The following ALDH5A1 variants were observed in gnomAD, a reference collection of about 807,000 sequenced individuals.
ALDH5A1 encodes succinate-semialdehyde dehydrogenase, mitochondrial.
In ALDH5A1, 33 loss-of-function variants were observed where a neutral mutation model predicts 54.7. That is an observed-to-expected ratio of 0.60 (90% confidence interval 0.46 to 0.81). The LOEUF (loss-of-function observed/expected upper bound fraction) is 0.81. Among genes scored for constraint, ALDH5A1 ranks in the 30% least tolerant of loss-of-function variants. The pLI is 0.00. For missense variants in ALDH5A1, 657 were observed against 711.0 expected, an observed-to-expected ratio of 0.92 and a Z score of 0.86; for synonymous variants, 294 against 292.7, an observed-to-expected ratio of 1.00 and a Z score of -0.05.
chr6:24,507,608 A>G (rs761914932), intron 4 of ALDH5A1, among the ~76,000 whole-genome samples: 1 of 151,936 alleles, frequency 6.6e-6, no homozygotes, highest in Non-Finnish European at 1.5e-5. Flanking sequence ...TTATATCTCT[A>G]TAAAGTTTTC....
intron 4 of ALDH5A1, among the ~76,000 whole-genome samples, chr6:24,512,262 T>G (rs1232715781): frequency 6.6e-6 from 1 of 152,240 alleles, no homozygotes; most frequent in African/African-American, 2.4e-5. Flanking sequence ...ATCTGCTTCC[T>G]TCACAGGATC....
intron 4 of ALDH5A1, 64 bp from the exon 5 acceptor site, chr6:24,515,102 CT>C (rs4646842): frequency 0.14 from 129,452 of 912,606 alleles, 13 homozygotes; most frequent in Middle Eastern, 0.18. Context: ...TTTCTCTTTT[CT>C]TTTTTTTTTT....
Position 24,520,383 on chromosome 6 carries a change from T to A in ALDH5A1, c.871-18T>A, listed in dbSNP as rs1385507494. 2 of 1,613,650 alleles carry A rather than the reference T, an allele frequency of 1.2e-6. No homozygotes were observed. The highest frequency in any genetic ancestry group is 4.5e-5 in the East Asian group (2 of 44,898). On this transcript the variant is annotated intron_variant, in intron 5 of 9. Transcript: ENST00000357578. The stretch of plus-strand genomic sequence containing the variant: ...TAATGGATTTCTGTGCTCACAGCTT[T>A]CTCTCCTCTGCTCACAGATCCTGTT...
At chr6:24,514,087 A>G (rs1027027481) in intron 4 of ALDH5A1, among the ~76,000 whole-genome samples, 27 of 152,260 alleles carry the variant, frequency 1.8e-4, no homozygotes, top group Non-Finnish European at 1.2e-4. Context: ...AGAAATTAAA[A>G]TAATTCAGGA....
At chr6:24,531,939 C>T in intron 8 of ALDH5A1, 180 bp from the exon 9 acceptor site, 1 of 671,004 alleles carries the variant, frequency 1.5e-6, no homozygotes. Context: ...GCATGCTAGC[C>T]TTAATCGCTG....
Position 24,533,614 on chromosome 6 carries a change from T to A in ALDH5A1, c.1510T>A (p.Phe504Ile). Residue 504 changes from phenylalanine (F) to isoleucine (I), a missense_variant, in exon 10 of 10, where the codon TTT (phenylalanine) becomes ATT (isoleucine). Physicochemically the swap from Phe to Ile is conservative, Grantham distance 21. This residue lies in a region of ALDH5A1 where 425 missense variants were observed against 516.4 expected (regional missense o/e 0.82). Transcript: ENST00000357578. ...EGLISSVECPFGGVKQSGLGR... is the reference protein window; with the variant it reads ...EGLISSVECPIGGVKQSGLGR... ...ATTAATTTCCTCTGTGGAGTGCCCT[T>A]TTGGTGGAGTGAAGCAGTCCGGCCT... The A allele has an allele frequency of 6.2e-7, 1 of 1,614,030 alleles. No homozygotes were observed. Among genetic ancestry groups the A allele is most frequent in the Non-Finnish European group, 8.5e-7 (1 of 1,180,010 alleles).
intron 6 of ALDH5A1, among the ~76,000 whole-genome samples, chr6:24,521,071 C>G (rs563884450): frequency 2.0e-5 from 3 of 152,314 alleles, no homozygotes; most frequent in South Asian, 4.1e-4. Flanking sequence ...TGGAATAACT[C>G]AAAACCCTGT....
In ALDH5A1 at chr6:24,502,522, G is replaced by A. The variant is rs1316476943; in HGVS notation, c.355-1G>A. The A allele has an allele frequency of 6.2e-7, 1 of 1,607,464 alleles. No homozygotes were observed. Among genetic ancestry groups the A allele is most frequent in the South Asian group, 1.1e-5 (1 of 90,922 alleles). Reference sequence around the variant, plus strand: ...TTTCTGCCTTGTTATTTCTTTTGCAGGAGAGGAGTTCATTACTTCGGAAGT... The same window carrying A: ...TTTCTGCCTTGTTATTTCTTTTGCAAGAGAGGAGTTCATTACTTCGGAAGT... On this transcript the variant is annotated splice_acceptor_variant, in intron 1 of 9. Coordinates refer to ENST00000357578, the MANE Select transcript of ALDH5A1 (RefSeq NM_001080.3). LOFTEE classifies it high-confidence loss of function.
intron 4 of ALDH5A1, among the ~76,000 whole-genome samples, chr6:24,507,408 A>C (rs1252595377): frequency 6.6e-6 from 1 of 151,990 alleles, no homozygotes; most frequent in Non-Finnish European, 1.5e-5. Context: ...TGGTAACCTA[A>C]GTTTCTTGCC....
intron 8 of ALDH5A1, 173 bp from the exon 9 acceptor site, chr6:24,531,946 G>A (rs1444316839): frequency 7.4e-6 from 5 of 678,758 alleles, no homozygotes; most frequent in Non-Finnish European, 1.3e-5. Flanking sequence ...AGCCTTAATC[G>A]CTGAGTTATA....
At chr6:24,513,725 C>T (rs1429386948) in intron 4 of ALDH5A1, among the ~76,000 whole-genome samples, 1 of 152,120 alleles carries the variant, frequency 6.6e-6, no homozygotes, top group Non-Finnish European at 1.5e-5. Context: ...AGGGCAAGGC[C>T]CTCCCACTTA....
intron 1 of ALDH5A1, among the ~76,000 whole-genome samples, chr6:24,502,292 C>T (rs1262064880): frequency 6.6e-6 from 1 of 152,160 alleles, no homozygotes; most frequent in Non-Finnish European, 1.5e-5. Context: ...CTTCTTTATT[C>T]AGTCTACTGA....
At chr6:24,511,280 C>A (rs1317246108) in intron 4 of ALDH5A1, among the ~76,000 whole-genome samples, 1 of 152,182 alleles carries the variant, frequency 6.6e-6, no homozygotes, top group East Asian at 1.9e-4. Context: ...CTTCAGGTAA[C>A]CTGATGACAG....
intron 5 of ALDH5A1, among the ~76,000 whole-genome samples, chr6:24,517,008 A>G (rs1759587744): frequency 6.6e-6 from 1 of 152,110 alleles, no homozygotes; most frequent in Admixed American, 6.5e-5. Context: ...GCAGGAGGGA[A>G]TAATTTAACT....
At chr6:24,525,109 C>T (rs1355435903) in intron 7 of ALDH5A1, among the ~76,000 whole-genome samples, 2 of 152,142 alleles carry the variant, frequency 1.3e-5, no homozygotes, top group East Asian at 3.8e-4. Flanking sequence ...ATTGTGTTGG[C>T]TTTAGTGTAC....
At position 24,531,797 on chromosome 6, in the gene ALDH5A1, T is replaced by C. The variant is rs189247844; in HGVS notation, c.1344-322T>C. ...TGTTATGATTGTTATATATTCCCAG[T>C]GGGTACCAAGAATAGTAATCCTTTT... On this transcript the variant is annotated intron_variant, in intron 8 of 9. Coordinates refer to ENST00000357578, the MANE Select transcript of ALDH5A1 (RefSeq NM_001080.3). 1.6e-3 allele frequency among the ~76,000 whole-genome samples: 250 copies of C among 152,314 alleles called. 2 individuals are homozygous for C. Among genetic ancestry groups the C allele is most frequent in the Non-Finnish European group, 2.4e-4 (16 of 68,016 alleles).
At chr6:24,517,477 T>C (rs17374923) in intron 5 of ALDH5A1, among the ~76,000 whole-genome samples, 5,141 of 152,292 alleles carry the variant, frequency 0.034, 142 homozygotes, top group South Asian at 0.16. Flanking sequence ...TGCAAACTTA[T>C]CCGCAGAAAG....
chr6:24,499,906 G>A (rs927105237), intron 1 of ALDH5A1, among the ~76,000 whole-genome samples: 1 of 152,070 alleles, frequency 6.6e-6, no homozygotes, highest in African/African-American at 2.4e-5. Flanking sequence ...TGATCCGCCC[G>A]CCTCGGCCTC....
chr6:24,498,631 C>T (rs1452047892), intron 1 of ALDH5A1, among the ~76,000 whole-genome samples: 2 of 152,228 alleles, frequency 1.3e-5, no homozygotes, highest in African/African-American at 4.8e-5. Context: ...TTCCATCTTA[C>T]AAGGGCTAGG....
Sources: gnomAD v4.1 joint callset for allele counts (sites outside exome capture counted in the v4.1 genomes callset) on GRCh38, gnomAD v4.1.1 for gene constraint, gnomAD v4.1.1 regional missense constraint, MANE v1.5 for transcripts, NCBI Gene and HGNC (gene_info 2026-07-23, HGNC 2026-07-21) for gene names.